The following CDH13 variants were observed in gnomAD, a reference collection of about 807,000 sequenced individuals.
The protein encoded by CDH13 is cadherin-13.
CDH13 carries 24 observed loss-of-function variants against 63.8 expected under a neutral mutation model. That is an observed-to-expected ratio of 0.38 (90% CI 0.27 to 0.53). The LOEUF (loss-of-function observed/expected upper bound fraction) is 0.53. CDH13 is among the 20% of genes least tolerant of loss of function. CDH13 has a pLI of 0.85. For synonymous variants in CDH13, 503 were observed against 355.3 expected (o/e 1.42, Z -4.67); for missense variants, 1,049 against 903.1 (o/e 1.16, Z -2.07).
chr16:83,733,641 G>A (rs1567559799), intron 10 of CDH13, among the ~76,000 whole-genome samples: 1 of 152,180 alleles, frequency 6.6e-6, no homozygotes, highest in Non-Finnish European at 1.5e-5. Context: ...CTTGGTCTGA[G>A]CTGGACTCAG....
chr16:83,696,478 C>T (rs1419831485), intron 10 of CDH13, among the ~76,000 whole-genome samples: 1 of 152,118 alleles, frequency 6.6e-6, no homozygotes, highest in East Asian at 1.9e-4. Context: ...TTCAAGCCCA[C>T]ACTGGATCCA....
At chr16:82,851,478 C>T (rs142717522) in intron 1 of CDH13, among the ~76,000 whole-genome samples, 2 of 150,672 alleles carry the variant, frequency 1.3e-5, no homozygotes, top group African/African-American at 4.9e-5. Context: ...AAGAAAGCAA[C>T]AATGGGACCG....
At chr16:82,741,264 T>C (rs1015503717) in intron 1 of CDH13, among the ~76,000 whole-genome samples, 1 of 152,232 alleles carries the variant, frequency 6.6e-6, no homozygotes, top group African/African-American at 2.4e-5. Context: ...TCATTCTGTG[T>C]GAATTTACTT....
chr16:82,972,109 G>A (rs1352783151), intron 2 of CDH13, among the ~76,000 whole-genome samples: 2 of 152,074 alleles, frequency 1.3e-5, no homozygotes, highest in Admixed American at 6.5e-5. Context: ...AGTGTAGGGT[G>A]AGGCTAAATC....
intron 5 of CDH13, among the ~76,000 whole-genome samples, chr16:83,236,918 T>C (rs187549141): frequency 2.9e-4 from 44 of 152,126 alleles, no homozygotes; most frequent in African/African-American, 1.0e-3. Flanking sequence ...ATGAGTACAC[T>C]AAACATGACT....
intron 1 of CDH13, among the ~76,000 whole-genome samples, chr16:82,678,375 A>G (rs899485950): frequency 1.3e-4 from 19 of 148,084 alleles, no homozygotes; most frequent in Admixed American, 6.8e-4. Flanking sequence ...TTTCCCTAGT[A>G]GAAGTACTTT....
intron 2 of CDH13, among the ~76,000 whole-genome samples, chr16:82,982,542 C>G (rs1027544460): frequency 6.6e-6 from 1 of 152,208 alleles, no homozygotes; most frequent in Admixed American, 6.5e-5. Context: ...GCTGCATTTG[C>G]ATGGCTTCAA....
chr16:82,873,532 T>C (rs1024765600), intron 2 of CDH13, among the ~76,000 whole-genome samples: 2 of 152,180 alleles, frequency 1.3e-5, no homozygotes, highest in East Asian at 1.9e-4. Context: ...CTAGGTTATA[T>C]TGCCTGTCTC....
In CDH13 at chr16:83,601,813, G is replaced by T. The variant is rs932530694; in HGVS notation, c.961-641G>T. 1.3e-5 allele frequency among the ~76,000 whole-genome samples: 2 copies of T among 152,004 alleles called. 1 individual carries two copies. The highest frequency in any genetic ancestry group is 4.1e-4 in the South Asian group (2 of 4,820). ...TGTAAACATTAAAGGACAACGTAGG[G>T]GCCGGGCGTGGTGGCTCACACCTGT... On this transcript the variant is annotated intron_variant, in intron 7 of 13. Coordinates refer to ENST00000567109, the MANE Select transcript of CDH13 (RefSeq NM_001257.5).
intron 5 of CDH13, among the ~76,000 whole-genome samples, chr16:83,229,020 C>A (rs930843307): frequency 6.6e-6 from 1 of 151,984 alleles, no homozygotes; most frequent in African/African-American, 2.4e-5. Flanking sequence ...ATTAAATATA[C>A]CTTGGGATGA....
chr16:82,828,998 C>G (rs938362296), intron 1 of CDH13, among the ~76,000 whole-genome samples: 1 of 152,028 alleles, frequency 6.6e-6, no homozygotes, highest in Non-Finnish European at 1.5e-5. Flanking sequence ...GATTAGATAC[C>G]TTAGGCTAGA....
intron 2 of CDH13, among the ~76,000 whole-genome samples, chr16:82,984,552 G>C (rs1333037732): frequency 6.6e-6 from 1 of 152,126 alleles, no homozygotes; most frequent in African/African-American, 2.4e-5. Flanking sequence ...AATGATAACA[G>C]TTAACATTCA....
At chr16:82,751,244 T>C (rs2034401974) in intron 1 of CDH13, among the ~76,000 whole-genome samples, 1 of 152,166 alleles carries the variant, frequency 6.6e-6, no homozygotes, top group Admixed American at 6.5e-5. Context: ...TAGGGCCCTG[T>C]GCTTAACAGG....
At chr16:83,026,042 C>G (rs184285140) in intron 2 of CDH13, among the ~76,000 whole-genome samples, 1 of 152,168 alleles carries the variant, frequency 6.6e-6, no homozygotes, top group African/African-American at 2.4e-5. Flanking sequence ...AGCACCTACT[C>G]CTGAGTTGGT....
chr16:83,496,927 C>T (rs1416691364), intron 7 of CDH13, among the ~76,000 whole-genome samples: 1 of 152,058 alleles, frequency 6.6e-6, no homozygotes, highest in Non-Finnish European at 1.5e-5. Context: ...TCATCACTGG[C>T]CATCAGAGAA....
intron 6 of CDH13, among the ~76,000 whole-genome samples, chr16:83,469,442 T>C (rs948385043): frequency 4.6e-5 from 7 of 152,170 alleles, no homozygotes; most frequent in Non-Finnish European, 1.0e-4. Flanking sequence ...CAGTCATTCA[T>C]ACAGGAAAAA....
At chr16:83,197,980 A>G (rs1253511147) in intron 4 of CDH13, among the ~76,000 whole-genome samples, 2 of 152,204 alleles carry the variant, frequency 1.3e-5, no homozygotes, top group East Asian at 1.9e-4. Flanking sequence ...ATGTGCATCT[A>G]TAATTATTGA....
intron 2 of CDH13, among the ~76,000 whole-genome samples, chr16:82,883,386 A>T (rs758137390): frequency 6.6e-6 from 1 of 152,238 alleles, no homozygotes; most frequent in African/African-American, 2.4e-5. Flanking sequence ...TTGAGTGTCT[A>T]TCAGAGTCAC....
intron 2 of CDH13, among the ~76,000 whole-genome samples, chr16:83,011,402 G>A (rs1448757436): frequency 6.6e-6 from 1 of 152,094 alleles, no homozygotes; most frequent in East Asian, 1.9e-4. Context: ...AATCCCCAGG[G>A]AATTAGTCTG....
Sources: allele counts gnomAD v4.1 joint callset (sites outside exome capture counted in the v4.1 genomes callset), GRCh38; gene constraint gnomAD v4.1.1; transcripts MANE v1.5; gene names NCBI Gene and HGNC (gene_info 2026-07-23, HGNC 2026-07-21).